The following CNTN1 variants were observed in gnomAD, a reference collection of about 807,000 sequenced individuals.
The protein encoded by CNTN1 is contactin-1.
Under a neutral mutation model 126.4 loss-of-function variants are expected in CNTN1, and 38 were observed. The observed-to-expected ratio is 0.30, with a 90% CI of 0.23 to 0.39. CNTN1 has a LOEUF of 0.39. CNTN1 is among the 10% of genes least tolerant of loss of function. CNTN1 has a pLI of 1.00. For missense variants in CNTN1, 1,009 were observed against 1,248.4 expected (o/e 0.81, Z 2.89); for synonymous variants, 413 against 422.6 (o/e 0.98, Z 0.28).
rs1294780787 is a variant in CNTN1, at chr12:40,951,714, T to TAAAAAAAAAAA, written c.1684-7400_1684-7399insAAAAAAAAAAA. 1.8e-3 allele frequency among the ~76,000 whole-genome samples: 143 copies of TAAAAAAAAAAA among 79,302 alleles called. 9 individuals are homozygous for TAAAAAAAAAAA. The highest frequency in any genetic ancestry group is 2.4e-3 in the Non-Finnish European group (108 of 45,474). 52.0% of individuals were successfully genotyped at this position (79,302 alleles called of 152,430 possible). A position where few individuals can be genotyped will look rare whatever the true frequency, so the allele number is the denominator to read the frequency against. ...AAAGAGTGAGACTTTGTCTCAAAATTTAAAAAAAAAAAAAAAAAAAAAAAA... is the reference window on the plus strand; with the variant it reads ...AAAGAGTGAGACTTTGTCTCAAAATTAAAAAAAAAAATAAAAAAAAAAAAAAAAAAAAAAAA... On this transcript the variant is annotated intron_variant, in intron 14 of 23. Coordinates refer to ENST00000551295, the MANE Select transcript of CNTN1 (RefSeq NM_001843.4).
intron 1 of CNTN1, among the ~76,000 whole-genome samples, chr12:40,882,385 G>T (rs1347719451): frequency 6.6e-6 from 1 of 151,626 alleles, no homozygotes; most frequent in East Asian, 1.9e-4. Flanking sequence ...GAAGAAACAT[G>T]TGTCATTAAC....
intron 1 of CNTN1, among the ~76,000 whole-genome samples, chr12:40,897,527 A>T (rs1176971091): frequency 6.6e-6 from 1 of 152,232 alleles, no homozygotes. Flanking sequence ...AAGATACCAG[A>T]AACTATAGAA....
chr12:40,699,813 C>T (rs1941550924), intron 1 of CNTN1, among the ~76,000 whole-genome samples: 1 of 151,706 alleles, frequency 6.6e-6, no homozygotes, highest in Non-Finnish European at 1.5e-5. Flanking sequence ...ACGTTAGTGG[C>T]AAATCTGGAC....
intron 1 of CNTN1, among the ~76,000 whole-genome samples, chr12:40,775,388 A>G (rs1011722787): frequency 2.0e-5 from 3 of 151,322 alleles, no homozygotes; most frequent in African/African-American, 7.3e-5. Context: ...AGATATAATT[A>G]CCTAGAGGCC....
intron 1 of CNTN1, chr12:40,895,924 A>AT (rs60931034): frequency 1.5e-3 from 217 of 145,818 alleles, no homozygotes; most frequent in South Asian, 4.2e-3. Context: ...TGCCCAGCTA[A>AT]TTTTTTTTTT....
Position 40,925,668 on chromosome 12 carries a change from T to A in CNTN1, c.496+1016T>A, listed in dbSNP as rs971644539. Among the ~76,000 whole-genome samples, 4 of 146,032 alleles carry A rather than the reference T, an allele frequency of 2.7e-5. No homozygotes were observed. In the East Asian group the frequency reaches 5.9e-4, roughly 22 times the overall value. ...AGAGAGAGTTGTGGTTGTTTACATA[T>A]CAAATATTTGTGATTTTCTCCACAA... On this transcript the variant is annotated intron_variant, in intron 6 of 23. Coordinates refer to ENST00000551295, the MANE Select transcript of CNTN1 (RefSeq NM_001843.4).
At chr12:41,053,907 T>C (rs1190364923) in intron 23 of CNTN1, among the ~76,000 whole-genome samples, 1 of 151,770 alleles carries the variant, frequency 6.6e-6, no homozygotes, top group Non-Finnish European at 1.5e-5. Context: ...TGTCTTCTTG[T>C]TCTTTCATTC....
At chr12:41,011,066 G>A (rs965978234) in intron 17 of CNTN1, among the ~76,000 whole-genome samples, 12 of 152,166 alleles carry the variant, frequency 7.9e-5, no homozygotes, top group Admixed American at 4.6e-4. Flanking sequence ...ACATCTCTCC[G>A]TGTGTGGTGA....
chr12:40,854,379 C>A (rs1942824345), intron 1 of CNTN1, among the ~76,000 whole-genome samples: 1 of 151,978 alleles, frequency 6.6e-6, no homozygotes, highest in African/African-American at 2.4e-5. Context: ...ATTCAAGACA[C>A]AACATGGGGG....
intron 17 of CNTN1, among the ~76,000 whole-genome samples, chr12:41,003,134 T>C (rs966900329): frequency 1.3e-5 from 2 of 152,230 alleles, no homozygotes; most frequent in Admixed American, 1.3e-4. Context: ...ACCTAGTATA[T>C]TGACAGTTTT....
intron 3 of CNTN1, among the ~76,000 whole-genome samples, chr12:40,918,213 A>C (rs930774550): frequency 3.3e-5 from 5 of 152,156 alleles, no homozygotes; most frequent in African/African-American, 1.2e-4. Context: ...AGGAACTCAA[A>C]AGAGGACCAA....
intron 20 of CNTN1, 104 bp from the exon 21 acceptor site, chr12:41,025,046 G>T: frequency 9.2e-7 from 1 of 1,082,266 alleles, no homozygotes. Flanking sequence ...TTGAAAATAT[G>T]ATGATCAGCC....
At chr12:41,026,553 T>G (rs926721862) in intron 21 of CNTN1, among the ~76,000 whole-genome samples, 14 of 152,194 alleles carry the variant, frequency 9.2e-5, no homozygotes, top group African/African-American at 2.9e-4. Context: ...TAAGGTTCTT[T>G]GCACTCTAAG....
At chr12:41,029,290 G>A in intron 23 of CNTN1, 71 bp downstream of exon 23, 1 of 1,542,888 alleles carries the variant, frequency 6.5e-7, no homozygotes, top group South Asian at 1.1e-5. Flanking sequence ...ATTCCCAAGG[G>A]TAGGGATAAG....
chr12:41,068,495 C>T (rs1477303787), intron 23 of CNTN1, among the ~76,000 whole-genome samples: 1 of 152,030 alleles, frequency 6.6e-6, no homozygotes, highest in Non-Finnish European at 1.5e-5. Flanking sequence ...ATAAAGCTTT[C>T]CCTCTTATGT....
At chr12:40,968,412 A>C (rs1259380107) in intron 15 of CNTN1, among the ~76,000 whole-genome samples, 1 of 151,906 alleles carries the variant, frequency 6.6e-6, no homozygotes, top group African/African-American at 2.4e-5. Context: ...TTTTTCAGCT[A>C]CTCAACTTTA....
intron 1 of CNTN1, among the ~76,000 whole-genome samples, chr12:40,799,518 C>A (rs1331584308): frequency 6.6e-6 from 1 of 151,770 alleles, no homozygotes; most frequent in Non-Finnish European, 1.5e-5. Context: ...AGAACATAAC[C>A]CTTGTGTTTC....
intron 23 of CNTN1, among the ~76,000 whole-genome samples, chr12:41,032,587 T>G (rs1460049277): frequency 2.6e-5 from 4 of 152,176 alleles, no homozygotes; most frequent in Non-Finnish European, 5.9e-5. Context: ...CTGCCTGGAA[T>G]TCTCTGGATC....
At chr12:40,949,917 T>G (rs1946604928) in intron 14 of CNTN1, among the ~76,000 whole-genome samples, 1 of 151,018 alleles carries the variant, frequency 6.6e-6, no homozygotes, top group African/African-American at 2.4e-5. Flanking sequence ...TATCCAGAAT[T>G]ATGTGGGAGA....
Sources: allele counts gnomAD v4.1 joint callset (sites outside exome capture counted in the v4.1 genomes callset), GRCh38; gene constraint gnomAD v4.1.1; transcripts MANE v1.5; gene names NCBI Gene and HGNC (gene_info 2026-07-23, HGNC 2026-07-21).